SRRM4: variants seen among roughly 807,000 people sequenced by gnomAD.
The protein encoded by SRRM4 is serine/arginine repetitive matrix protein 4.
In SRRM4, 33 loss-of-function variants were observed where a neutral mutation model predicts 68.9. The ratio of observed to expected loss-of-function variants is 0.48; its 90% confidence interval spans 0.36 to 0.64. The LOEUF (loss-of-function observed/expected upper bound fraction) is 0.64, where lower values mean the gene tolerates loss of function less well. SRRM4 is among the 30% of genes least tolerant of loss of function. SRRM4 has a pLI of 0.00. For synonymous variants in SRRM4, 318 were observed against 318.8 expected (o/e 1.00, Z 0.03); for missense variants, 817 against 827.1 (o/e 0.99, Z 0.15).
intron 8 of SRRM4, among the ~76,000 whole-genome samples, chr12:119,142,030 C>CAAAT (rs1395199973): frequency 2.0e-5 from 3 of 152,044 alleles, no homozygotes; most frequent in Admixed American, 1.3e-4. Context: ...ATGGCATGTG[C>CAAAT]AAATGGCCTG....
At chr12:119,060,704 T>G (rs1953806623) in intron 1 of SRRM4, among the ~76,000 whole-genome samples, 1 of 152,056 alleles carries the variant, frequency 6.6e-6, no homozygotes. Context: ...CATTCTATCT[T>G]TAGCCCTGGA....
At chr12:119,033,208 T>C (rs574410759) in intron 1 of SRRM4, among the ~76,000 whole-genome samples, 1 of 152,344 alleles carries the variant, frequency 6.6e-6, no homozygotes, top group Admixed American at 6.5e-5. Context: ...ATATAATGTA[T>C]GCTTCCTTAC....
intron 11 of SRRM4, 116 bp downstream of exon 11, chr12:119,153,765 G>C (rs927314788): frequency 2.1e-5 from 15 of 714,420 alleles, no homozygotes; most frequent in Middle Eastern, 3.7e-4. Context: ...GTCTGACCCT[G>C]ACTCAGCATT....
intron 9 of SRRM4, among the ~76,000 whole-genome samples, chr12:119,146,763 C>T (rs577993675): frequency 1.3e-5 from 2 of 152,062 alleles, no homozygotes; most frequent in African/African-American, 2.4e-5. Context: ...AGTGAAACCC[C>T]GTCTCTACTA....
At chr12:118,986,872 A>C (rs76762898) in intron 1 of SRRM4, among the ~76,000 whole-genome samples, 6,633 of 152,066 alleles carry the variant, frequency 0.044, 199 homozygotes, top group East Asian at 0.14. Flanking sequence ...TGAACTCTTC[A>C]GGCATGCTGC....
rs1263144049 is a variant in SRRM4, at chr12:119,096,673, T to C, written c.132-5563T>C. ...CTCTTGGGCCTCCCTTTCTCCACTC[T>C]GTACAGGGCTGAGCTGGATCTGGGG... On this transcript the variant is annotated intron_variant, in intron 1 of 12. Coordinates refer to ENST00000267260, the MANE Select transcript of SRRM4 (RefSeq NM_194286.4). 9.9e-5 allele frequency among the ~76,000 whole-genome samples: 15 copies of C among 152,236 alleles called. No homozygotes were observed. In the East Asian group the frequency reaches 2.9e-3, roughly 29 times the overall value.
chr12:119,123,241 G>A (rs1016836883), intron 6 of SRRM4, among the ~76,000 whole-genome samples: 8 of 152,172 alleles, frequency 5.3e-5, no homozygotes, highest in African/African-American at 1.7e-4. Flanking sequence ...GGGCATTTCC[G>A]CCACCACCAC....
intron 1 of SRRM4, among the ~76,000 whole-genome samples, chr12:119,058,478 C>A (rs142444579): frequency 2.6e-5 from 4 of 152,180 alleles, no homozygotes; most frequent in Admixed American, 2.0e-4. Context: ...ATAGCTTTCT[C>A]ATTTTACTCA....
chr12:119,156,732 G>A lies in SRRM4; in HGVS notation c.1770G>A (p.Arg590=), dbSNP rs1390631921. ...RSRSRSRSRS[R]SRSRSQSRSY... Reference sequence around the variant, plus strand: ...GGAGCCGGAGCAGGAGCCGGAGCCGGAGCCGGAGCAGGAGCCAGAGCCGGA... The same window carrying A: ...GGAGCCGGAGCAGGAGCCGGAGCCGAAGCCGGAGCAGGAGCCAGAGCCGGA... Residue 590 remains arginine, a synonymous_variant, in exon 13 of 13, where the codon CGG becomes CGA. Coordinates refer to ENST00000267260, the MANE Select transcript of SRRM4 (RefSeq NM_194286.4). 1 of 1,547,114 alleles carries A rather than the reference G, an allele frequency of 6.5e-7. No individual in the cohort carries two copies. The highest frequency in any genetic ancestry group is 1.4e-5 in the African/African-American group (1 of 72,972).
intron 2 of SRRM4, among the ~76,000 whole-genome samples, chr12:119,108,243 T>A (rs1182374126): frequency 6.6e-6 from 1 of 152,210 alleles, no homozygotes; most frequent in Non-Finnish European, 1.5e-5. Context: ...AACTATGTGG[T>A]CAATTTTGGA....
intron 1 of SRRM4, among the ~76,000 whole-genome samples, chr12:119,013,723 T>G (rs1393076671): frequency 1.3e-5 from 2 of 152,244 alleles, no homozygotes. Context: ...TATCATTTAT[T>G]TAATCAATAT....
At chr12:118,983,256 G>A (rs1047396853) in intron 1 of SRRM4, among the ~76,000 whole-genome samples, 1 of 152,184 alleles carries the variant, frequency 6.6e-6, no homozygotes, top group African/African-American at 2.4e-5. Context: ...GATCATACAG[G>A]TCTTTAGAGA....
At chr12:119,027,591 G>A (rs371017771) in intron 1 of SRRM4, among the ~76,000 whole-genome samples, 14 of 152,278 alleles carry the variant, frequency 9.2e-5, no homozygotes, top group Middle Eastern at 3.4e-3. Context: ...CCCTGCTCAT[G>A]AAGAGTTTAT....
chr12:118,997,187 G>A (rs962165197), intron 1 of SRRM4, among the ~76,000 whole-genome samples: 8 of 152,258 alleles, frequency 5.3e-5, no homozygotes, highest in African/African-American at 1.9e-4. Flanking sequence ...CATGAACTGA[G>A]TCGCTAGTAA....
chr12:119,085,921 G>C (rs574549928), intron 1 of SRRM4, among the ~76,000 whole-genome samples: 1 of 152,118 alleles, frequency 6.6e-6, no homozygotes, highest in Non-Finnish European at 1.5e-5. Context: ...AGAGCTAGAG[G>C]ACACTTTGTA....
intron 9 of SRRM4, among the ~76,000 whole-genome samples, chr12:119,147,135 A>G (rs904327126): frequency 6.6e-6 from 1 of 152,230 alleles, no homozygotes; most frequent in Non-Finnish European, 1.5e-5. Flanking sequence ...AGTGCTCGGA[A>G]GGTATGAGGT....
intron 1 of SRRM4, among the ~76,000 whole-genome samples, chr12:118,994,575 A>G (rs1953337694): frequency 6.6e-6 from 1 of 152,232 alleles, no homozygotes; most frequent in Non-Finnish European, 1.5e-5. Flanking sequence ...CCCAGTCACC[A>G]AGCAAATGTC....
At chr12:119,089,254 G>A (rs1012302261) in intron 1 of SRRM4, among the ~76,000 whole-genome samples, 8 of 152,260 alleles carry the variant, frequency 5.3e-5, no homozygotes, top group Admixed American at 2.0e-4. Context: ...TTGGAGCCAC[G>A]GGGAACCCAC....
rs1304842376 is a variant in SRRM4 at position 119,153,544 on chromosome 12, A to G, written c.1286A>G (p.Tyr429Cys). 3.8e-6 allele frequency: 6 copies of G among 1,565,494 alleles called. No individual in the cohort carries two copies. The highest frequency in any genetic ancestry group is 1.9e-5 in the Admixed American group (1 of 53,396). Reference protein sequence around the residue: ...SRSTSSEKRSYSRSPSYSSKS... With the variant: ...SRSTSSEKRSCSRSPSYSSKS... ...GGCTGTTACCTCTCCCCCAGGTCCT[A>G]CTCCCGCTCTCCCAGCTATTCCTCC... The change falls in exon 11 of 13, where the codon TAC becomes TGC. Residue 429 changes from tyrosine to cysteine, a missense_variant. Transcript: ENST00000267260.
Sources: allele counts gnomAD v4.1 joint callset (sites outside exome capture counted in the v4.1 genomes callset), GRCh38; gene constraint gnomAD v4.1.1; transcripts MANE v1.5; gene names NCBI Gene and HGNC (gene_info 2026-07-23, HGNC 2026-07-21).